The following NOS1 variants were observed in gnomAD, a reference collection of about 807,000 sequenced individuals.
The protein encoded by NOS1 is NOS type I.
A neutral mutation model predicts 164.5 loss-of-function variants in NOS1; 51 were observed. The ratio of observed to expected loss-of-function variants is 0.31; its 90% confidence interval spans 0.25 to 0.39. The LOEUF is 0.39. Among genes scored for constraint, NOS1 ranks in the 10% least tolerant of loss-of-function variants. The pLI is 1.00. For missense variants in NOS1, 1,362 were observed against 1,885.6 expected, an observed-to-expected ratio of 0.72 and a Z score of 5.14; for synonymous variants, 719 against 745.8, an observed-to-expected ratio of 0.96 and a Z score of 0.59.
intron 2 of NOS1, among the ~76,000 whole-genome samples, chr12:117,325,673 G>C (rs1320871945): frequency 6.6e-6 from 1 of 152,182 alleles, no homozygotes; most frequent in East Asian, 1.9e-4. Context: ...GGTAAATTAA[G>C]GAAAAATTGA....
Position 117,243,235 on chromosome 12 carries a change from T to A in NOS1, c.2962+62A>T, listed in dbSNP as rs1870330781. 1 of 1,568,336 alleles carries A rather than the reference T, an allele frequency of 6.4e-7. No homozygotes were observed. Among genetic ancestry groups the A allele is most frequent in the Admixed American group, 1.7e-5 (1 of 58,924 alleles). Reference sequence around the variant, plus strand: ...ATCTTCTCTAAGCACCTTCTGGAGGTGAGATCACCTGCCTTTCCCCCATTG... The same window carrying A: ...ATCTTCTCTAAGCACCTTCTGGAGGAGAGATCACCTGCCTTTCCCCCATTG... On this transcript the variant is annotated intron_variant, in intron 19 of 28. Coordinates refer to ENST00000317775, the MANE Select transcript of NOS1 (RefSeq NM_000620.5). The surrounding 1 kb of genome is among the most constrained non-coding windows in gnomAD (Gnocchi z 4.3).
At chr12:117,218,797 G>A (rs1044911351) in intron 27 of NOS1, among the ~76,000 whole-genome samples, 1 of 152,080 alleles carries the variant, frequency 6.6e-6, no homozygotes, top group Admixed American at 6.6e-5. Flanking sequence ...CAAGCTATGG[G>A]AGCTCCTGTG....
intron 11 of NOS1, among the ~76,000 whole-genome samples, chr12:117,265,826 T>G (rs1412146278): frequency 6.6e-6 from 1 of 151,980 alleles, no homozygotes; most frequent in African/African-American, 2.4e-5. Context: ...AGTCTTGCTC[T>G]ATCACCCAGG....
intron 2 of NOS1, among the ~76,000 whole-genome samples, chr12:117,324,266 C>T (rs1446644657): frequency 1.3e-5 from 2 of 152,150 alleles, no homozygotes; most frequent in Non-Finnish European, 2.9e-5. Flanking sequence ...AGGTTGACAA[C>T]TATTTGTAAG....
At chr12:117,278,616 A>C (rs1873369115) in intron 8 of NOS1, among the ~76,000 whole-genome samples, 1 of 152,130 alleles carries the variant, frequency 6.6e-6, no homozygotes, top group African/African-American at 2.4e-5. Flanking sequence ...TTGTTAGAGC[A>C]GCTGTCCAAT....
At chr12:117,322,891 G>GCCTCCCTC (rs147707829) in intron 2 of NOS1, among the ~76,000 whole-genome samples, 53 of 138,398 alleles carry the variant, frequency 3.8e-4, no homozygotes, top group African/African-American at 1.2e-3. Context: ...ATTCTTCCTT[G>GCCTCCCTC]CCTCCCTCCC....
chr12:117,224,446 G>A (rs747743457), intron 25 of NOS1, among the ~76,000 whole-genome samples: 2 of 151,894 alleles, frequency 1.3e-5, no homozygotes, highest in Non-Finnish European at 1.5e-5. Flanking sequence ...CCACCACGCC[G>A]GGCTAAATTT....
chr12:117,284,708 G>A (rs188191466), intron 7 of NOS1, among the ~76,000 whole-genome samples: 2 of 152,246 alleles, frequency 1.3e-5, no homozygotes, highest in Non-Finnish European at 2.9e-5. Context: ...AAACCACACA[G>A]GAATCCACTT....
At chr12:117,290,202 C>G in intron 4 of NOS1, 96 bp downstream of exon 4, 1 of 1,474,208 alleles carries the variant, frequency 6.8e-7, no homozygotes, top group East Asian at 2.4e-5. Context: ...CACCCTACAA[C>G]AGAGGACAGC....
chr12:117,262,414 G>A (rs1441095148), intron 13 of NOS1, among the ~76,000 whole-genome samples: 1 of 142,802 alleles, frequency 7.0e-6, no homozygotes, highest in Non-Finnish European at 1.5e-5. Flanking sequence ...AGGAGAGAGA[G>A]GGAGGGAGGG....
intron 1 of NOS1, among the ~76,000 whole-genome samples, chr12:117,346,593 G>A (rs546746068): frequency 4.6e-5 from 7 of 152,290 alleles, no homozygotes; most frequent in East Asian, 3.9e-4. Context: ...TACCCAAAGC[G>A]TGGTCCATGC....
Position 117,331,310 on chromosome 12 carries a change from G to A in NOS1, c.-241C>T. ...CTCTCTCCTTATTCTCTAAGGAAGT[G>A]ATGGTTGACCAGGCAGACGTCAAGA... On this transcript the variant is annotated 5_prime_UTR_variant, in exon 2 of 29. Transcript: ENST00000317775. 1.9e-6 allele frequency: 1 copy of A among 530,890 alleles called. No homozygotes were observed. Among genetic ancestry groups the A allele is most frequent in the Non-Finnish European group, 3.3e-6 (1 of 298,532 alleles). The allele number at this position is 530,890 out of a possible 1,614,324, so 32.9% of individuals were successfully genotyped here.
intron 27 of NOS1, among the ~76,000 whole-genome samples, chr12:117,218,649 G>A (rs1026041819): frequency 6.6e-6 from 1 of 152,030 alleles, no homozygotes; most frequent in East Asian, 1.9e-4. Flanking sequence ...GAGACTCCGT[G>A]GGCATGCGTG....
At chr12:117,276,205 T>C (rs1176410902) in intron 9 of NOS1, among the ~76,000 whole-genome samples, 1 of 152,216 alleles carries the variant, frequency 6.6e-6, no homozygotes, top group Non-Finnish European at 1.5e-5. Flanking sequence ...CCACTGTTTA[T>C]TTTAAAACAT....
chr12:117,213,828 TG>T lies in NOS1; in HGVS notation c.*1480del. ...TTCTGGGAACTGCCTGACACTAATT[TG>T]TAGTATTTAAAAAAGTATACAAAGG... On this transcript the variant is annotated 3_prime_UTR_variant, in exon 29 of 29. Coordinates refer to ENST00000317775, the MANE Select transcript of NOS1 (RefSeq NM_000620.5). 2.0e-6 allele frequency: 2 copies of T among 985,368 alleles called. No homozygotes were observed. The highest frequency in any genetic ancestry group is 2.4e-6 in the Non-Finnish European group (2 of 829,926). 61.0% of individuals were successfully genotyped at this position (985,368 alleles called of 1,614,324 possible).
At position 117,234,604 on chromosome 12, in the gene NOS1, C is replaced by T. The variant is rs375160978; in HGVS notation, c.3196G>A (p.Val1066Met). Residue 1066 changes from valine to methionine, a missense_variant, in exon 21 of 29, where the codon GTG (valine) becomes ATG (methionine). Physicochemically the swap from Val to Met is conservative, Grantham distance 21 (BLOSUM62 1). This residue lies in a region of NOS1 where 737 missense variants were observed against 1,030.3 expected (regional missense o/e 0.72). Coordinates refer to ENST00000317775, the MANE Select transcript of NOS1 (RefSeq NM_000620.5). The surrounding 1 kb of genome is among the most constrained non-coding windows in gnomAD (Gnocchi z 4.3). ...LEDAPPVNQM[V>M]KVELLEERNT... ...CGCTCCTCCAGCAGTTCCACTTTCA[C>T]CATCTGGTTGACAGGCGGCGCGTCC... 5.9e-5 allele frequency: 95 copies of T among 1,614,090 alleles called. No homozygotes were observed. Among genetic ancestry groups the T allele is most frequent in the Admixed American group, 3.7e-4 (22 of 60,016 alleles).
At chr12:117,260,118 CA>C (rs60261967) in intron 14 of NOS1, among the ~76,000 whole-genome samples, 51,952 of 115,434 alleles carry the variant, frequency 0.45, 9,750 homozygotes, top group East Asian at 0.59. Flanking sequence ...AACTCCTTCT[CA>C]AAAAAAAAAA....
intron 22 of NOS1, among the ~76,000 whole-genome samples, chr12:117,227,946 G>A (rs1312976813): frequency 6.6e-6 from 1 of 151,990 alleles, no homozygotes; most frequent in Non-Finnish European, 1.5e-5. Flanking sequence ...TGGGAGGACT[G>A]CTTGAGTTCA....
intron 14 of NOS1, among the ~76,000 whole-genome samples, chr12:117,260,149 C>CA (rs1167980569): frequency 1.4e-5 from 2 of 148,106 alleles, no homozygotes; most frequent in African/African-American, 2.5e-5. Flanking sequence ...AACAAAAAAA[C>CA]AAAAAAACAA....
Sources: allele counts gnomAD v4.1 joint callset (sites outside exome capture counted in the v4.1 genomes callset), GRCh38; gene constraint gnomAD v4.1.1; regional missense constraint gnomAD v4.1.1; non-coding constraint Gnocchi (gnomAD v3.1); transcripts MANE v1.5; gene names NCBI Gene and HGNC (gene_info 2026-07-23, HGNC 2026-07-21).